The following GOLGA5 variants were observed in gnomAD, a reference collection of about 807,000 sequenced individuals.
The protein encoded by GOLGA5 is golgin subfamily A member 5.
In GOLGA5, 50 loss-of-function variants were observed where a neutral mutation model predicts 93.5. That is an observed-to-expected ratio of 0.53 (90% CI 0.43 to 0.68). GOLGA5 has a LOEUF of 0.68. Among genes scored for constraint, GOLGA5 ranks in the 30% least tolerant of loss-of-function variants. The probability of loss-of-function intolerance (pLI) is 0.00; values close to 1 mark genes in which losing one functional copy is unlikely to be tolerated. For missense variants in GOLGA5, 760 were observed against 856.4 expected (o/e 0.89, Z 1.40); for synonymous variants, 312 against 304.5 (o/e 1.02, Z -0.26).
chr14:92,797,352 C>A, intron 1 of GOLGA5, 56 bp from the exon 2 acceptor site: 2 of 1,024,724 alleles, frequency 2.0e-6, no homozygotes, highest in Non-Finnish European at 2.9e-6. Context: ...CTGGTCTTAA[C>A]CATTTATCAT....
At chr14:92,831,369 T>C (rs776486711) in intron 9 of GOLGA5, among the ~76,000 whole-genome samples, 7 of 152,170 alleles carry the variant, frequency 4.6e-5, no homozygotes, top group Non-Finnish European at 8.8e-5. Flanking sequence ...CAGCAGGTAA[T>C]GGATAAACAA....
At chr14:92,829,926 T>C (rs1267250888) in intron 9 of GOLGA5, among the ~76,000 whole-genome samples, 5 of 152,156 alleles carry the variant, frequency 3.3e-5, no homozygotes. Flanking sequence ...CAGCCACCAT[T>C]CTGATCAGTC....
chr14:92,814,351 C>G (rs145183128), intron 6 of GOLGA5, among the ~76,000 whole-genome samples: 1 of 152,010 alleles, frequency 6.6e-6, no homozygotes, highest in Non-Finnish European at 1.5e-5. Flanking sequence ...GGGAGAGTTT[C>G]AAGTGGTGCA....
intron 12 of GOLGA5, 57 bp downstream of exon 12, chr14:92,837,506 T>TTTTG (rs71123381): frequency 4.8e-6 from 3 of 619,818 alleles, no homozygotes; most frequent in South Asian, 3.2e-5. Context: ...TAGTTTTTTT[T>TTTTG]TTTGTTTGTT....
chr14:92,806,924 A>G lies in GOLGA5; in HGVS notation c.733A>G (p.Met245Val), dbSNP rs1467849427. 5 of 1,612,290 alleles carry G rather than the reference A, an allele frequency of 3.1e-6. No homozygotes were observed. The highest frequency in any genetic ancestry group is 4.2e-6 in the Non-Finnish European group (5 of 1,178,278). ...RNEVQSLNQE[M>V]ASLLQRSKET... Reference sequence around the variant, plus strand: ...TGAAGTTCAGTCTTTAAATCAAGAAATGGCCTCGTTACTCCAAAGATCCAA... The same window carrying G: ...TGAAGTTCAGTCTTTAAATCAAGAAGTGGCCTCGTTACTCCAAAGATCCAA... The change falls in exon 3 of 13, where the codon ATG becomes GTG. Residue 245 changes from methionine to valine, a missense_variant. By Grantham distance (21) the Met-to-Val change is conservative. Coordinates refer to ENST00000163416, the MANE Select transcript of GOLGA5 (RefSeq NM_005113.4).
chr14:92,834,190 T>TA (rs1885588417), intron 10 of GOLGA5, among the ~76,000 whole-genome samples: 1 of 141,514 alleles, frequency 7.1e-6, no homozygotes, highest in African/African-American at 2.5e-5. Context: ...TCACCTTTTT[T>TA]TTTTTATTTT....
chr14:92,808,583 T>C (rs1307526644), intron 3 of GOLGA5, among the ~76,000 whole-genome samples: 1 of 151,074 alleles, frequency 6.6e-6, no homozygotes, highest in African/African-American at 2.4e-5. Context: ...GAGTTGGAGG[T>C]TGCAGTGAGT....
At chr14:92,794,645 C>T (rs8011750) in intron 1 of GOLGA5, among the ~76,000 whole-genome samples, 189 bp downstream of exon 1, 112,328 of 152,166 alleles carry the variant, frequency 0.74, 41,896 homozygotes, top group East Asian at 0.85. Flanking sequence ...TCGTTTACTG[C>T]CCTCCTCTGT....
chr14:92,797,744 G>A lies in GOLGA5; in HGVS notation c.307G>A (p.Val103Ile), dbSNP rs537022332. Residue 103 changes from valine to isoleucine, a missense_variant, in exon 2 of 13, where the codon GTT (valine) becomes ATT (isoleucine). Transcript: ENST00000163416. The part of the protein sequence containing the change: ...EASHPVENAS[V>I]PRPSSHFVRR... Reference sequence around the variant, plus strand: ...CTCTCATCCTGTTGAAAATGCATCTGTTCCTAGGCCTTCATCCCATTTTGT... The same window carrying A: ...CTCTCATCCTGTTGAAAATGCATCTATTCCTAGGCCTTCATCCCATTTTGT... The A allele has an allele frequency of 1.9e-5, 30 of 1,613,474 alleles. No individual in the cohort carries two copies. The highest frequency in any genetic ancestry group is 3.3e-4 in the Middle Eastern group (2 of 6,084).
chr14:92,833,115 C>G lies in GOLGA5; in HGVS notation c.1720-7C>G. 6.7e-7 allele frequency: 1 copy of G among 1,502,086 alleles called. No homozygotes were observed. Among genetic ancestry groups the G allele is most frequent in the Non-Finnish European group, 9.3e-7 (1 of 1,078,692 alleles). The allele number at this position is 1,502,086 out of a possible 1,614,324, so 93.0% of individuals were successfully genotyped here. A position where few individuals can be genotyped will look rare whatever the true frequency, so the allele number is the denominator to read the frequency against. ...TGTAAGAATTTTGTGAACACTTTCT[C>G]TTTCAGCTTACCAATAAAACTTTAA... On this transcript the variant is annotated splice_polypyrimidine_tract_variant and splice_region_variant and intron_variant, in intron 9 of 12. Coordinates refer to ENST00000163416, the MANE Select transcript of GOLGA5 (RefSeq NM_005113.4).
At chr14:92,831,147 G>A (rs1227313218) in intron 9 of GOLGA5, among the ~76,000 whole-genome samples, 1 of 152,158 alleles carries the variant, frequency 6.6e-6, no homozygotes, top group Non-Finnish European at 1.5e-5. Context: ...GGTGCAGCTG[G>A]AACTCTCACC....
chr14:92,812,491 A>G (rs928169862), intron 6 of GOLGA5, among the ~76,000 whole-genome samples: 1 of 152,092 alleles, frequency 6.6e-6, no homozygotes, highest in Non-Finnish European at 1.5e-5. Context: ...CTATTTCCCT[A>G]TCTTCCTTTC....
intron 11 of GOLGA5, among the ~76,000 whole-genome samples, chr14:92,835,938 T>TATACAG (rs200628174): frequency 6.6e-6 from 1 of 151,926 alleles, no homozygotes. Context: ...TAACCCTGAC[T>TATACAG]GTATCTCTTT....
intron 12 of GOLGA5, among the ~76,000 whole-genome samples, chr14:92,838,729 A>G (rs1346241128): frequency 6.6e-6 from 1 of 152,204 alleles, no homozygotes; most frequent in Non-Finnish European, 1.5e-5. Context: ...GGCATCAGAA[A>G]GCATTCAGAA....
chr14:92,807,782 G>A (rs1156268509), intron 3 of GOLGA5, among the ~76,000 whole-genome samples: 2 of 145,264 alleles, frequency 1.4e-5, no homozygotes, highest in Non-Finnish European at 3.0e-5. Context: ...TAGTGACTGA[G>A]GAAGATGTGA....
intron 9 of GOLGA5, among the ~76,000 whole-genome samples, chr14:92,825,590 GT>G (rs1332016263): frequency 1.3e-5 from 2 of 152,192 alleles, no homozygotes; most frequent in African/African-American, 4.8e-5. Flanking sequence ...GCCAGGTGAG[GT>G]AGTTCATGCT....
rs1324034064 is a variant in GOLGA5, at chr14:92,797,405, C to T, written c.-30-3C>T. 2.0e-6 allele frequency: 3 copies of T among 1,513,762 alleles called. No individual in the cohort carries two copies. Among genetic ancestry groups the T allele is most frequent in the Non-Finnish European group, 2.7e-6 (3 of 1,114,048 alleles). The allele number at this position is 1,513,762 out of a possible 1,614,324, so 93.8% of individuals were successfully genotyped here. A position where few individuals can be genotyped will look rare whatever the true frequency, so the allele number is the denominator to read the frequency against. ...CACTGATCATTTTATGTCCTTTTTACAGGTTTGCCAATAGGATTATCCTGC... is the reference window on the plus strand; with the variant it reads ...CACTGATCATTTTATGTCCTTTTTATAGGTTTGCCAATAGGATTATCCTGC... On this transcript the variant is annotated splice_region_variant and splice_polypyrimidine_tract_variant and intron_variant, in intron 1 of 12. Coordinates refer to ENST00000163416, the MANE Select transcript of GOLGA5 (RefSeq NM_005113.4).
rs377380289 is a variant in GOLGA5 at position 92,806,701 on chromosome 14, G to A, written c.545-35G>A. On this transcript the variant is annotated intron_variant, in intron 2 of 12. Coordinates refer to ENST00000163416, the MANE Select transcript of GOLGA5 (RefSeq NM_005113.4). ...TTGTTAATGCATATGTGATGAACAC[G>A]CCAATGTAACAAAAACGTATTCTTT... 135 of 1,407,234 alleles carry A rather than the reference G, an allele frequency of 9.6e-5. 2 individuals are homozygous for A. Among genetic ancestry groups the A allele is most frequent in the Non-Finnish European group, 1.2e-4 (120 of 994,286 alleles). 87.2% of individuals were successfully genotyped at this position (1,407,234 alleles called of 1,614,324 possible).
chr14:92,816,334 G>A lies in GOLGA5; in HGVS notation c.1404G>A (p.Leu468=), dbSNP rs1218153384. Residue 468 remains leucine (L), a synonymous_variant, in exon 7 of 13, where the codon CTG becomes CTA. Transcript: ENST00000163416. ...GCAGCACTGCCAGTAGCATGGAGCT[G>A]GAAGAACTTCGGCATGAGAAAGAGA... ...LDSSTASSME[L]EELRHEKEMQ... The A allele has an allele frequency of 6.2e-7, 1 of 1,613,928 alleles. No homozygotes were observed. Among genetic ancestry groups the A allele is most frequent in the African/African-American group, 1.3e-5 (1 of 75,052 alleles).
Sources: gnomAD v4.1 joint callset for allele counts (sites outside exome capture counted in the v4.1 genomes callset) on GRCh38, gnomAD v4.1.1 for gene constraint, MANE v1.5 for transcripts, NCBI Gene and HGNC (gene_info 2026-07-23, HGNC 2026-07-21) for gene names.